The following MBTPS1 variants were observed in gnomAD, a reference collection of about 807,000 sequenced individuals.
MBTPS1 encodes membrane-bound transcription factor site-1 protease.
A neutral mutation model predicts 127.8 loss-of-function variants in MBTPS1; 94 were observed. That is an observed-to-expected ratio of 0.74 (90% CI 0.62 to 0.87). MBTPS1 has a LOEUF of 0.87. Ranked by LOEUF, MBTPS1 falls within the 40% of genes least tolerant of loss-of-function variation. The pLI is 0.00. For synonymous variants in MBTPS1, 632 were observed against 509.4 expected, an observed-to-expected ratio of 1.24 and a Z score of -3.24; for missense variants, 1,636 against 1,353.2, an observed-to-expected ratio of 1.21 and a Z score of -3.28.
intron 11 of MBTPS1, chr16:84,075,472 C>G (rs1222932341): frequency 7.2e-6 from 1 of 138,262 alleles, no homozygotes; most frequent in Non-Finnish European, 1.5e-5. Flanking sequence ...CAGCTACGCC[C>G]GAACAGGTGA....
rs1231767192 is a variant in MBTPS1, at chr16:84,060,721, G to A, written c.2665C>T (p.Pro889Ser). Residue 889 changes from proline (P) to serine (S), a missense_variant, in exon 20 of 23, where the codon CCC becomes TCC. Transcript: ENST00000343411. Reference protein sequence around the residue: ...LSHSGNRQRPPSGAGSVTPER... With the variant: ...LSHSGNRQRPSSGAGSVTPER... ...GGAGTGACTGAGCCTGCTCCACTGG[G>A]AGGGCGCTGGCGGTTCCCAGAGTGA... is the stretch of plus-strand genomic sequence containing the variant. 25 of 1,613,768 alleles carry A rather than the reference G, an allele frequency of 1.5e-5. No homozygotes were observed. Among genetic ancestry groups the A allele is most frequent in the Non-Finnish European group, 2.1e-5 (25 of 1,179,932 alleles).
chr16:84,091,422 G>C (rs1358990200), intron 7 of MBTPS1, among the ~76,000 whole-genome samples: 1 of 149,296 alleles, frequency 6.7e-6, no homozygotes, highest in East Asian at 1.9e-4. Context: ...GGAGGCGGAG[G>C]TTGCAGTGAG....
At position 84,090,958 on chromosome 16, in the gene MBTPS1, T is replaced by A. The variant is rs746641521; in HGVS notation, c.964-16A>T. ...ATTCCCACACCTACAAAAGGAGCAT[T>A]TATTTAATGAAAGTATCCCTTTCAT... On this transcript the variant is annotated splice_polypyrimidine_tract_variant and intron_variant, in intron 7 of 22. Transcript: ENST00000343411. The A allele has an allele frequency of 4.4e-6, 7 of 1,577,516 alleles. No homozygotes were observed. In the Admixed American group the frequency reaches 1.0e-4, roughly 23 times the overall value.
chr16:84,086,962 T>C (rs1352434415), intron 9 of MBTPS1, among the ~76,000 whole-genome samples: 4 of 152,088 alleles, frequency 2.6e-5, no homozygotes, highest in African/African-American at 9.7e-5. Context: ...TTCTCCAACT[T>C]CTTAAGGCTC....
rs761733469 is a variant in MBTPS1 at position 84,085,138 on chromosome 16, T to C, written c.1135-4A>G. On this transcript the variant is annotated splice_region_variant and splice_polypyrimidine_tract_variant and intron_variant, in intron 9 of 22. Coordinates refer to ENST00000343411, the MANE Select transcript of MBTPS1 (RefSeq NM_003791.4). ...GACCGTAGCCTCCTGGTAGCTCCTA[T>C]GAATAAAAGCAGCTTGGTTGCTACA... 126 of 1,613,816 alleles carry C rather than the reference T, an allele frequency of 7.8e-5. No homozygotes were observed. The highest frequency in any genetic ancestry group is 1.0e-4 in the Non-Finnish European group (119 of 1,179,940).
intron 8 of MBTPS1, among the ~76,000 whole-genome samples, chr16:84,089,004 G>A (rs1009133712): frequency 3.9e-5 from 6 of 152,240 alleles, no homozygotes; most frequent in African/African-American, 1.2e-4. Context: ...AAGAAGCTAC[G>A]GAGTGCAACC....
rs984023867 is a variant in MBTPS1 at position 84,074,657 on chromosome 16, C to T, written c.1533G>A (p.Pro511=). ...TGAGGATGGTGACATTAACAACTGT[C>T]GGCATTCCTCCATAGTAGATGGGCT... The part of the protein sequence containing the change: ...CSQPIYYGGM[P]TVVNVTILNG... Residue 511 remains proline, a synonymous_variant, in exon 12 of 23, where the codon CCG becomes CCA. Transcript: ENST00000343411. 13 of 1,614,010 alleles carry T rather than the reference C, an allele frequency of 8.1e-6. No individual in the cohort carries two copies. Among genetic ancestry groups the T allele is most frequent in the Middle Eastern group, 1.6e-4 (1 of 6,084 alleles).
intron 8 of MBTPS1, among the ~76,000 whole-genome samples, chr16:84,089,061 A>G (rs1597335033): frequency 6.6e-6 from 1 of 152,252 alleles, no homozygotes; most frequent in East Asian, 1.9e-4. Context: ...GCGTGTGACA[A>G]AACAGTCCGA....
chr16:84,108,342 G>A lies in MBTPS1; in HGVS notation c.-324-6235C>T, dbSNP rs1216075830. On this transcript the variant is annotated intron_variant, in intron 1 of 22. Transcript: ENST00000343411. Reference sequence around the variant, plus strand: ...TGCAATGGCACGACCTCTGCTCACTGCAACCTCCAACTCCCAGCTGAAGCG... The same window carrying A: ...TGCAATGGCACGACCTCTGCTCACTACAACCTCCAACTCCCAGCTGAAGCG... Among the ~76,000 whole-genome samples the A allele has an allele frequency of 2.6e-5, 4 of 152,288 alleles. No individual in the cohort carries two copies. In the East Asian group the frequency reaches 7.7e-4, roughly 29 times the overall value.
In MBTPS1 at chr16:84,095,730, C is replaced by G. The variant is rs150192740; in HGVS notation, c.497G>C (p.Ser166Thr). 5.0e-5 allele frequency: 81 copies of G among 1,614,240 alleles called. 1 individual carries two copies. The East Asian group carries it at 1.7e-3, about 34-fold the overall frequency. ...WQSSRPLRRA[S>T]LSLGSGFWHA... ...CCAGAAGCCAGAGCCCAGGGAGAGG[C>G]TGGCTCTTCGCAGGGGACGTGATGA... The change falls in exon 4 of 23, where the codon AGC (serine) becomes ACC (threonine). Residue 166 changes from serine (S) to threonine (T), a missense_variant. Coordinates refer to ENST00000343411, the MANE Select transcript of MBTPS1 (RefSeq NM_003791.4).
At chr16:84,104,287 C>T (rs1266280985) in intron 1 of MBTPS1, among the ~76,000 whole-genome samples, 4 of 152,150 alleles carry the variant, frequency 2.6e-5, no homozygotes, top group Middle Eastern at 3.4e-3. Context: ...TTGAGACCAG[C>T]CTGGGCAACG....
chr16:84,114,896 A>T (rs1555514793), intron 1 of MBTPS1, among the ~76,000 whole-genome samples: 1 of 151,658 alleles, frequency 6.6e-6, no homozygotes, highest in Non-Finnish European at 1.5e-5. Flanking sequence ...AGCAATGTAC[A>T]GTTCACCTTA....
intron 14 of MBTPS1, among the ~76,000 whole-genome samples, chr16:84,068,872 C>T (rs2085729382): frequency 6.6e-6 from 1 of 152,238 alleles, no homozygotes; most frequent in Non-Finnish European, 1.5e-5. Flanking sequence ...AGCGGCACAG[C>T]TAACTGATAT....
At chr16:84,106,961 C>A (rs2086332519) in intron 1 of MBTPS1, among the ~76,000 whole-genome samples, 1 of 152,096 alleles carries the variant, frequency 6.6e-6, no homozygotes, top group African/African-American at 2.4e-5. Flanking sequence ...TGGTGCTTGC[C>A]CCTAATTGAG....
intron 11 of MBTPS1, among the ~76,000 whole-genome samples, chr16:84,076,996 C>T (rs952752825): frequency 4.6e-5 from 7 of 152,062 alleles, no homozygotes; most frequent in Non-Finnish European, 8.8e-5. Context: ...GAGGCCGAGG[C>T]GGGAGGACGG....
intron 11 of MBTPS1, among the ~76,000 whole-genome samples, chr16:84,078,300 T>C (rs946967646): frequency 2.0e-5 from 3 of 148,712 alleles, no homozygotes; most frequent in Non-Finnish European, 4.5e-5. Flanking sequence ...CAGTGCCACC[T>C]TACCTAACAG....
chr16:84,067,483 G>A (rs2085702765), intron 16 of MBTPS1, among the ~76,000 whole-genome samples, 184 bp downstream of exon 16: 1 of 152,164 alleles, frequency 6.6e-6, no homozygotes. Flanking sequence ...CTTCCAAAGT[G>A]CTGGGATTAC....
Position 84,085,173 on chromosome 16 carries a change from T to C in MBTPS1, c.1135-39A>G, listed in dbSNP as rs150277784. ...CAGCTTGGTTGCTACATCTCGCACA[T>C]TGGCATACAGCCGCATGCAATCATG... On this transcript the variant is annotated intron_variant, in intron 9 of 22. Transcript: ENST00000343411. 7.0e-4 allele frequency: 1,129 copies of C among 1,605,252 alleles called. 4 individuals are homozygous for C. In the African/African-American group the frequency reaches 0.011, roughly 15 times the overall value.
chr16:84,107,415 G>C (rs115913429), intron 1 of MBTPS1, among the ~76,000 whole-genome samples: 1 of 152,128 alleles, frequency 6.6e-6, no homozygotes, highest in African/African-American at 2.4e-5. Context: ...CAGGGACAAG[G>C]ACACACCCCC....
Sources: gnomAD v4.1 joint callset for allele counts (sites outside exome capture counted in the v4.1 genomes callset) on GRCh38, gnomAD v4.1.1 for gene constraint, MANE v1.5 for transcripts, NCBI Gene and HGNC (gene_info 2026-07-23, HGNC 2026-07-21) for gene names.